KLHDC4: variants seen among roughly 807,000 people sequenced by gnomAD.
KLHDC4 encodes the protein kelch domain containing 4.
Under a neutral mutation model 62.4 loss-of-function variants are expected in KLHDC4, and 90 were observed. The ratio of observed to expected loss-of-function variants is 1.44; its 90% CI spans 1.22 to 1.72. The LOEUF (loss-of-function observed/expected upper bound fraction) is 1.72. Ranked by LOEUF, KLHDC4 falls within the 40% of genes most tolerant of loss-of-function variation. The pLI, the probability that KLHDC4 is intolerant of heterozygous loss-of-function variation, is 0.00. For missense variants in KLHDC4, 1,025 were observed against 699.7 expected (o/e 1.47, Z -5.25); for synonymous variants, 386 against 284.4 (o/e 1.36, Z -3.59).
downstream of KLHDC4, among the ~76,000 whole-genome samples, chr16:87,705,756 G>A (rs1597343594): frequency 6.6e-6 from 1 of 152,338 alleles, no homozygotes; most frequent in South Asian, 2.1e-4. Flanking sequence ...CCATCTTCTG[G>A]ACAAGGGCTG....
In KLHDC4 at chr16:87,755,272, G is replaced by A. The variant is rs375853788; in HGVS notation, c.291C>T (p.Leu97=). The change falls in exon 4 of 12, where the codon CTC becomes CTT. Residue 97 remains leucine, a synonymous_variant. Transcript: ENST00000270583. ...TGTCCTTTCTGGTATTGTAGACATA[G>A]AGCTCGTTATACAAAAAAGTCTACA... ...NGQKTFLYNE[L]YVYNTRKDTW... 3.7e-5 allele frequency: 60 copies of A among 1,603,130 alleles called. No homozygotes were observed. The highest frequency in any genetic ancestry group is 5.0e-5 in the Non-Finnish European group (59 of 1,170,494).
intron 5 of KLHDC4, among the ~76,000 whole-genome samples, chr16:87,741,940 T>A (rs560798470): frequency 1.3e-5 from 2 of 152,240 alleles, no homozygotes; most frequent in African/African-American, 4.8e-5. Context: ...CGTTTCCTGA[T>A]GAGCTCTTCC....
At chr16:87,756,211 G>A in intron 3 of KLHDC4, 188 bp downstream of exon 3, 3 of 513,890 alleles carry the variant, frequency 5.8e-6, no homozygotes, top group South Asian at 2.2e-5. Flanking sequence ...CAGGACCACT[G>A]AAGTCATCAA....
chr16:87,738,121 G>A (rs1010355361), intron 5 of KLHDC4, among the ~76,000 whole-genome samples: 3 of 152,186 alleles, frequency 2.0e-5, no homozygotes, highest in Admixed American at 2.0e-4. Flanking sequence ...AGAGCAGGGT[G>A]TGTCCATTCC....
intron 6 of KLHDC4, among the ~76,000 whole-genome samples, chr16:87,728,454 G>C (rs868459668): frequency 2.0e-5 from 3 of 151,554 alleles, no homozygotes; most frequent in African/African-American, 7.3e-5. Context: ...AAACTCCCAA[G>C]TTGGTATTTG....
intron 8 of KLHDC4, among the ~76,000 whole-genome samples, chr16:87,712,918 C>G (rs1009323328): frequency 6.6e-6 from 1 of 152,244 alleles, no homozygotes; most frequent in Non-Finnish European, 1.5e-5. Flanking sequence ...AGAGCTGTCC[C>G]CTGGTTTCCT....
At chr16:87,748,585 A>T in intron 5 of KLHDC4, 88 bp downstream of exon 5, 2 of 1,526,512 alleles carry the variant, frequency 1.3e-6, no homozygotes, top group East Asian at 2.3e-5. Flanking sequence ...GAACCCTGGT[A>T]TTCTGAGGTC....
At chr16:87,721,094 A>C (rs1321572927) in intron 7 of KLHDC4, among the ~76,000 whole-genome samples, 1 of 152,164 alleles carries the variant, frequency 6.6e-6, no homozygotes, top group Non-Finnish European at 1.5e-5. Flanking sequence ...GTCGCTTTCC[A>C]AGACTGAACA....
intron 2 of KLHDC4, chr16:87,757,592 A>C (rs1159624329): frequency 1.3e-5 from 2 of 152,144 alleles, no homozygotes; most frequent in South Asian, 2.1e-4. Flanking sequence ...CAAGGAAATT[A>C]CATAATAATA....
intron 2 of KLHDC4, among the ~76,000 whole-genome samples, chr16:87,760,344 A>C (rs2045671554): frequency 6.6e-6 from 1 of 151,890 alleles, no homozygotes; most frequent in African/African-American, 2.4e-5. Flanking sequence ...ACGGTGGCTC[A>C]CGCCTGTAAT....
At chr16:87,760,257 G>A (rs1306357946) in intron 2 of KLHDC4, among the ~76,000 whole-genome samples, 1 of 149,558 alleles carries the variant, frequency 6.7e-6, no homozygotes. Context: ...AAAGAAAAAG[G>A]CCAGGTACGG....
At chr16:87,715,865 GAC>G (rs2036862311) in intron 7 of KLHDC4, among the ~76,000 whole-genome samples, 1 of 152,134 alleles carries the variant, frequency 6.6e-6, no homozygotes, top group South Asian at 2.1e-4. Flanking sequence ...CAGGGGTAGT[GAC>G]ACAGACTTCA....
At chr16:87,718,958 G>A (rs1044369998) in intron 7 of KLHDC4, among the ~76,000 whole-genome samples, 22 of 148,766 alleles carry the variant, frequency 1.5e-4, no homozygotes, top group Non-Finnish European at 2.2e-4. Context: ...CCGGCCGCCC[G>A]GTCTGAGAAG....
intron 5 of KLHDC4, among the ~76,000 whole-genome samples, chr16:87,735,206 A>AG (rs2041098789): frequency 6.6e-6 from 1 of 151,454 alleles, no homozygotes. Context: ...AGGCTGAGGC[A>AG]GGAGAATGGC....
intron 5 of KLHDC4, among the ~76,000 whole-genome samples, chr16:87,741,835 T>G (rs1226574356): frequency 6.6e-6 from 1 of 152,120 alleles, no homozygotes; most frequent in Admixed American, 6.5e-5. Context: ...CTTCACATCC[T>G]CGGCTGAAAA....
At chr16:87,765,569 G>A (rs1477867787) in intron 1 of KLHDC4, among the ~76,000 whole-genome samples, 1 of 152,124 alleles carries the variant, frequency 6.6e-6, no homozygotes, top group Non-Finnish European at 1.5e-5. Context: ...ACGTTAAAGG[G>A]GGCAGCTCCG....
Position 87,714,553 on chromosome 16 carries a change from G to C in KLHDC4, c.780C>G (p.Asp260Glu), listed in dbSNP as rs1425375720. The change falls in exon 8 of 12, where the codon GAC becomes GAG. Residue 260 changes from aspartate to glutamate, a missense_variant. Transcript: ENST00000270583. ...YSKQRVKKDV[D>E]KGTRHSDMFL... ...ACATGTCTGAGTGCCGTGTGCCCTT[G>C]TCCACGTCTTTCTTAACTCTCTGCA... 1.9e-6 allele frequency: 3 copies of C among 1,614,184 alleles called. No homozygotes were observed. Among genetic ancestry groups the C allele is most frequent in the Admixed American group, 1.7e-5 (1 of 60,032 alleles).
At chr16:87,749,469 G>A (rs1359666235) in intron 4 of KLHDC4, among the ~76,000 whole-genome samples, 1 of 148,546 alleles carries the variant, frequency 6.7e-6, no homozygotes, top group Non-Finnish European at 1.5e-5. Flanking sequence ...CAGAAGAATC[G>A]CTTGAACCTG....
chr16:87,731,253 T>TG (rs1284336787), intron 5 of KLHDC4, among the ~76,000 whole-genome samples: 1 of 151,468 alleles, frequency 6.6e-6, no homozygotes, highest in Non-Finnish European at 1.5e-5. Context: ...CTAGTACAGA[T>TG]GGGGTTTCAC....
Sources: gnomAD v4.1 joint callset for allele counts (sites outside exome capture counted in the v4.1 genomes callset) on GRCh38, gnomAD v4.1.1 for gene constraint, MANE v1.5 for transcripts, NCBI Gene and HGNC (gene_info 2026-07-23, HGNC 2026-07-21) for gene names.